Variants in SAAL1 observed in about 807,000 individuals in gnomAD.
SAAL1 encodes the protein serum amyloid A like 1, also known as protein SAAL1.
Under a neutral mutation model 59.8 loss-of-function variants are expected in SAAL1, and 42 were observed. The observed-to-expected ratio is 0.70, with a 90% CI of 0.55 to 0.91. The LOEUF is 0.91. Ranked by LOEUF, SAAL1 falls within the 40% of genes least tolerant of loss-of-function variation. The probability of loss-of-function intolerance (pLI) is 0.00; values close to 1 mark genes in which losing one functional copy is unlikely to be tolerated. For missense variants in SAAL1, 542 were observed against 561.1 expected, an observed-to-expected ratio of 0.97 and a Z score of 0.34; for synonymous variants, 191 against 194.3, an observed-to-expected ratio of 0.98 and a Z score of 0.14.
Position 18,094,564 on chromosome 11 carries a change from T to A in SAAL1, c.333+2207A>T, listed in dbSNP as rs1377835168. On this transcript the variant is annotated intron_variant, in intron 3 of 11. Coordinates refer to ENST00000524803, the MANE Select transcript of SAAL1 (RefSeq NM_138421.3). ...TACAGGCAGAGTTGCAACTTAAAGGTGTAAAGAACACATAAGTTCACTAGG... is the reference window on the plus strand; with the variant it reads ...TACAGGCAGAGTTGCAACTTAAAGGAGTAAAGAACACATAAGTTCACTAGG... Among the ~76,000 whole-genome samples, 4 of 151,978 alleles carry A rather than the reference T, an allele frequency of 2.6e-5. No homozygotes were observed. In the East Asian group the frequency reaches 7.7e-4, roughly 29 times the overall value.
intron 2 of SAAL1, among the ~76,000 whole-genome samples, chr11:18,102,167 CGAG>C (rs1027625609): frequency 7.3e-5 from 11 of 150,892 alleles, no homozygotes; most frequent in African/African-American, 2.4e-4. Flanking sequence ...TTTGGGAGGC[CGAG>C]GAGGATGGAT....
At chr11:18,085,207 G>C (rs1848450794) in intron 9 of SAAL1, among the ~76,000 whole-genome samples, 1 of 152,088 alleles carries the variant, frequency 6.6e-6, no homozygotes, top group Admixed American at 6.5e-5. Flanking sequence ...AGAAAGACAA[G>C]AAGAATAAAC....
At chr11:18,096,603 T>C (rs991381825) in intron 3 of SAAL1, among the ~76,000 whole-genome samples, 168 bp downstream of exon 3, 6 of 151,928 alleles carry the variant, frequency 3.9e-5, no homozygotes, top group Non-Finnish European at 7.4e-5. Context: ...ATAAAATAAA[T>C]TTAAATAGCA....
At chr11:18,095,622 C>T (rs966639394) in intron 3 of SAAL1, among the ~76,000 whole-genome samples, 1 of 152,138 alleles carries the variant, frequency 6.6e-6, no homozygotes, top group African/African-American at 2.4e-5. Flanking sequence ...GAAAGTATAC[C>T]TCATAGTAGT....
intron 9 of SAAL1, 69 bp downstream of exon 9, chr11:18,086,797 G>T (rs1000169912): frequency 3.8e-6 from 4 of 1,056,914 alleles, no homozygotes; most frequent in Admixed American, 5.9e-5. Context: ...TTAGGGAAAT[G>T]AAAGCATTTT....
At chr11:18,102,572 G>A (rs568989709) in intron 2 of SAAL1, among the ~76,000 whole-genome samples, 3 of 151,630 alleles carry the variant, frequency 2.0e-5, no homozygotes, top group African/African-American at 4.9e-5. Context: ...AAGGTAACAC[G>A]GGTGGCAATG....
intron 6 of SAAL1, 82 bp downstream of exon 6, chr11:18,090,093 G>A (rs777804118): frequency 7.8e-7 from 1 of 1,287,670 alleles, no homozygotes; most frequent in Non-Finnish European, 1.1e-6. Context: ...TTAAAAAGGT[G>A]ACTTCTAGAA....
intron 1 of SAAL1, 93 bp downstream of exon 1, chr11:18,105,813 AT>A (rs1294081388): frequency 2.1e-6 from 3 of 1,413,288 alleles, no homozygotes; most frequent in Non-Finnish European, 2.8e-6. Context: ...CTTTGTGGGG[AT>A]GGCGGCTCCC....
In SAAL1 at chr11:18,086,985, T is replaced by G; in HGVS notation, c.923A>C (p.Gln308Pro). The change falls in exon 9 of 12, where the codon CAG (glutamine) becomes CCG (proline). Residue 308 changes from glutamine to proline, a missense_variant. Gln to Pro is a moderately conservative substitution (Grantham distance 76). Transcript: ENST00000524803. ...AAGAATGATGGGTGGATCATCAGAC[T>G]GGCAGAATTCATGGCAGACCAGGTC... is the stretch of plus-strand genomic sequence containing the variant. ...LFDLVCHEFC[Q>P]SDDPPIILQE... is the part of the protein sequence containing the mutation. 6.2e-7 allele frequency: 1 copy of G among 1,613,990 alleles called. No individual in the cohort carries two copies. The highest frequency in any genetic ancestry group is 8.5e-7 in the Non-Finnish European group (1 of 1,179,830).
chr11:18,104,008 CTTG>C (rs1342298324), intron 1 of SAAL1, among the ~76,000 whole-genome samples: 1 of 152,162 alleles, frequency 6.6e-6, no homozygotes, highest in Non-Finnish European at 1.5e-5. Flanking sequence ...GAATAATTAT[CTTG>C]TTTTTATTAA....
chr11:18,086,257 C>T (rs1564869927), intron 9 of SAAL1, among the ~76,000 whole-genome samples: 1 of 152,054 alleles, frequency 6.6e-6, no homozygotes, highest in Non-Finnish European at 1.5e-5. Flanking sequence ...TAAAAACTAG[C>T]CAGGTGTGGC....
chr11:18,100,882 A>T (rs1848627012), intron 2 of SAAL1, among the ~76,000 whole-genome samples: 1 of 152,228 alleles, frequency 6.6e-6, no homozygotes, highest in Admixed American at 6.5e-5. Flanking sequence ...TGGATCACAG[A>T]CTTATATGTA....
chr11:18,099,365 A>G (rs1270026464), intron 2 of SAAL1, among the ~76,000 whole-genome samples: 3 of 152,228 alleles, frequency 2.0e-5, no homozygotes, highest in Non-Finnish European at 2.9e-5. Flanking sequence ...AAAACCTAAT[A>G]GGCACTGTTT....
intron 10 of SAAL1, among the ~76,000 whole-genome samples, chr11:18,083,025 C>T (rs936231270): frequency 6.6e-6 from 1 of 152,130 alleles, no homozygotes; most frequent in Non-Finnish European, 1.5e-5. Context: ...ACAATATATT[C>T]ATAACATATT....
chr11:18,081,596 T>A, intron 10 of SAAL1, 93 bp from the exon 11 acceptor site: 1 of 927,492 alleles, frequency 1.1e-6, no homozygotes, highest in Non-Finnish European at 1.8e-6. Flanking sequence ...AATTCCCTCC[T>A]GACTTCATAG....
chr11:18,092,783 G>A (rs1023065414), intron 3 of SAAL1, among the ~76,000 whole-genome samples: 1 of 152,106 alleles, frequency 6.6e-6, no homozygotes, highest in Non-Finnish European at 1.5e-5. Flanking sequence ...TCTGAATGCC[G>A]TGCTGAAGAA....
In SAAL1 at chr11:18,096,802, A is replaced by G; in HGVS notation, c.302T>C (p.Val101Ala). 6.3e-7 allele frequency: 1 copy of G among 1,588,420 alleles called. No homozygotes were observed. Among genetic ancestry groups the G allele is most frequent in the Non-Finnish European group, 8.6e-7 (1 of 1,161,570 alleles). Residue 101 changes from valine to alanine, a missense_variant, in exon 3 of 12, where the codon GTA (valine) becomes GCA (alanine). Physicochemically the swap from Val to Ala is moderately conservative, Grantham distance 64. Transcript: ENST00000524803. ...TCGAGGACACTTGGACTTGGCCAGT[A>G]CTCCCATGAATATATCAGGAGCATT... is the stretch of plus-strand genomic sequence containing the variant. ...EFNAPDIFMG[V>A]LAKSKCPRLR...
intron 1 of SAAL1, 26 bp downstream of exon 1, chr11:18,105,881 C>A: frequency 6.4e-7 from 1 of 1,569,780 alleles, no homozygotes; most frequent in South Asian, 1.2e-5. Flanking sequence ...GTAGGGACAC[C>A]CCACGCGTGG....
chr11:18,093,261 A>G (rs1337004255), intron 3 of SAAL1, among the ~76,000 whole-genome samples: 2 of 152,230 alleles, frequency 1.3e-5, no homozygotes, highest in Non-Finnish European at 2.9e-5. Context: ...AGGAGCCGCC[A>G]TTAAGTGCTT....
Sources: allele counts gnomAD v4.1 joint callset (sites outside exome capture counted in the v4.1 genomes callset), GRCh38; gene constraint gnomAD v4.1.1; transcripts MANE v1.5; gene names NCBI Gene and HGNC (gene_info 2026-07-23, HGNC 2026-07-21).